The following PRKCI variants were observed in gnomAD, a reference collection of about 807,000 sequenced individuals.
The protein encoded by PRKCI is protein kinase C iota type.
In PRKCI, 43 loss-of-function variants were observed where a neutral mutation model predicts 84.0. The observed-to-expected ratio is 0.51, with a 90% confidence interval of 0.40 to 0.66. The LOEUF (loss-of-function observed/expected upper bound fraction) is 0.66, where lower values mean the gene tolerates loss of function less well. Ranked by LOEUF, PRKCI falls within the 30% of genes least tolerant of loss-of-function variation. The pLI, the probability that PRKCI is intolerant of heterozygous loss-of-function variation, is 0.00. For missense variants in PRKCI, 459 were observed against 745.6 expected, an observed-to-expected ratio of 0.62 and a Z score of 4.48; for synonymous variants, 216 against 234.4, an observed-to-expected ratio of 0.92 and a Z score of 0.72.
chr3:170,264,550 A>G (rs764013223), intron 4 of PRKCI, among the ~76,000 whole-genome samples: 69 of 152,246 alleles, frequency 4.5e-4, no homozygotes, highest in South Asian at 1.2e-3. Flanking sequence ...GAGTGCTGTG[A>G]TTACAGGTGT....
At chr3:170,248,368 T>C (rs1302793845) in intron 2 of PRKCI, among the ~76,000 whole-genome samples, 1 of 76,776 alleles carries the variant, frequency 1.3e-5, no homozygotes, top group Non-Finnish European at 2.5e-5. Flanking sequence ...ACAGTAGATA[T>C]ATTGGGGGGG....
intron 8 of PRKCI, among the ~76,000 whole-genome samples, chr3:170,279,329 C>T (rs766325884): frequency 6.6e-6 from 1 of 152,236 alleles, no homozygotes; most frequent in Admixed American, 6.5e-5. Flanking sequence ...CTGTGCGCAG[C>T]CTAAATTATT....
In PRKCI at chr3:170,303,095, C is replaced by A. The variant is rs1309853880; in HGVS notation, c.1759C>A (p.Pro587Thr). 1.1e-5 allele frequency: 17 copies of A among 1,604,160 alleles called. No individual in the cohort carries two copies. Among genetic ancestry groups the A allele is most frequent in the Non-Finnish European group, 1.4e-5 (16 of 1,176,192 alleles). The change falls in exon 18 of 18, where the codon CCT becomes ACT. Residue 587 changes from proline (P) to threonine (T), a missense_variant. Transcript: ENST00000295797. ...SEFEGFEYIN[P>T]LLMSAEECV Reference sequence around the variant, plus strand: ...ATTTGAAGGTTTTGAGTATATCAATCCTCTTTTGATGTCTGCAGAAGAATG... The same window carrying A: ...ATTTGAAGGTTTTGAGTATATCAATACTCTTTTGATGTCTGCAGAAGAATG...
chr3:170,291,382 G>C (rs1734547168), intron 12 of PRKCI, among the ~76,000 whole-genome samples: 1 of 152,032 alleles, frequency 6.6e-6, no homozygotes, highest in South Asian at 2.1e-4. Context: ...AAGCTATTTA[G>C]TGGTGATCTG....
intron 4 of PRKCI, among the ~76,000 whole-genome samples, chr3:170,265,916 C>T (rs991679587): frequency 9.2e-5 from 14 of 152,066 alleles, no homozygotes; most frequent in Non-Finnish European, 7.4e-5. Context: ...CCACCGCGCC[C>T]GGCCTAAACT....
At chr3:170,278,049 C>G (rs1430660587) in intron 8 of PRKCI, among the ~76,000 whole-genome samples, 3 of 152,174 alleles carry the variant, frequency 2.0e-5, no homozygotes, top group African/African-American at 4.8e-5. Flanking sequence ...CTTTCACTTT[C>G]ACTTTGTGAG....
At chr3:170,299,869 A>G (rs1734782526) in intron 17 of PRKCI, among the ~76,000 whole-genome samples, 1 of 152,222 alleles carries the variant, frequency 6.6e-6, no homozygotes, top group Non-Finnish European at 1.5e-5. Context: ...ATTCCTAGAA[A>G]GAGAATTAGG....
intron 2 of PRKCI, among the ~76,000 whole-genome samples, chr3:170,240,755 A>G (rs936054261): frequency 2.0e-5 from 3 of 152,174 alleles, no homozygotes. Flanking sequence ...CCAAACATTT[A>G]ATTGTTGGAA....
chr3:170,258,373 T>C (rs889677496), intron 2 of PRKCI, among the ~76,000 whole-genome samples: 1 of 151,858 alleles, frequency 6.6e-6, no homozygotes, highest in South Asian at 2.1e-4. Context: ...TAGCACAATC[T>C]TGACTCACTA....
At chr3:170,255,186 G>A (rs1733554900) in intron 2 of PRKCI, among the ~76,000 whole-genome samples, 1 of 150,306 alleles carries the variant, frequency 6.7e-6, no homozygotes, top group Admixed American at 6.7e-5. Flanking sequence ...TCAGTCTCCC[G>A]AGTAGCTGGG....
chr3:170,275,187 CTT>C (rs138637605), intron 7 of PRKCI, 40 bp from the exon 8 acceptor site: 96,831 of 1,233,818 alleles, frequency 0.078, 1,227 homozygotes, highest in African/African-American at 0.26. Context: ...TCTCCTGCAC[CTT>C]TTTTTTTTTT....
chr3:170,232,826 C>G (rs534370501), intron 1 of PRKCI, among the ~76,000 whole-genome samples: 2 of 152,334 alleles, frequency 1.3e-5, no homozygotes, highest in East Asian at 3.9e-4. Context: ...CAGGCACGAG[C>G]CACCTTGCCC....
At chr3:170,265,590 T>C (rs2108851253) in intron 4 of PRKCI, among the ~76,000 whole-genome samples, 1 of 152,198 alleles carries the variant, frequency 6.6e-6, no homozygotes, top group Middle Eastern at 3.4e-3. Flanking sequence ...TTGCTTTGAA[T>C]TAATCGAAAT....
At chr3:170,293,168 T>TC (rs1390780058) in intron 13 of PRKCI, among the ~76,000 whole-genome samples, 1 of 152,114 alleles carries the variant, frequency 6.6e-6, no homozygotes, top group African/African-American at 2.4e-5. Flanking sequence ...AGTTTTTTTT[T>TC]CTCATAATTT....
chr3:170,226,426 T>C (rs933549257), intron 1 of PRKCI, among the ~76,000 whole-genome samples: 1 of 152,228 alleles, frequency 6.6e-6, no homozygotes, highest in Non-Finnish European at 1.5e-5. Flanking sequence ...TGTCAATGTA[T>C]GTGCTTATCC....
At chr3:170,267,502 T>C (rs568415722) in intron 4 of PRKCI, among the ~76,000 whole-genome samples, 1 of 152,080 alleles carries the variant, frequency 6.6e-6, no homozygotes, top group East Asian at 1.9e-4. Context: ...GGAGAAACCC[T>C]GTCTCTACTA....
At chr3:170,286,053 T>G (rs572987196) in intron 12 of PRKCI, among the ~76,000 whole-genome samples, 1 of 151,858 alleles carries the variant, frequency 6.6e-6, no homozygotes, top group East Asian at 1.9e-4. Flanking sequence ...GCCTCCTGAG[T>G]AGCTGGGATT....
chr3:170,297,542 C>T, intron 16 of PRKCI, 149 bp downstream of exon 16: 1 of 633,556 alleles, frequency 1.6e-6, no homozygotes. Flanking sequence ...GCAACCTCCG[C>T]CTCGCGAGTT....
intron 12 of PRKCI, among the ~76,000 whole-genome samples, chr3:170,285,807 C>T (rs1734369405): frequency 6.6e-6 from 1 of 151,570 alleles, no homozygotes; most frequent in Non-Finnish European, 1.5e-5. Context: ...TGCAATGGCA[C>T]AATCTTGGCT....
Sources: allele counts gnomAD v4.1 joint callset (sites outside exome capture counted in the v4.1 genomes callset), GRCh38; gene constraint gnomAD v4.1.1; transcripts MANE v1.5; gene names NCBI Gene and HGNC (gene_info 2026-07-23, HGNC 2026-07-21).